The following TDRD9 variants were observed in gnomAD, a reference collection of about 807,000 sequenced individuals.
TDRD9 encodes tudor domain containing 9, also known as ATP-dependent RNA helicase TDRD9.
A neutral mutation model predicts 172.6 loss-of-function variants in TDRD9; 124 were observed. That is an observed-to-expected ratio of 0.72 (90% CI 0.62 to 0.83). The LOEUF is 0.83. Among genes scored for constraint, TDRD9 ranks in the 40% least tolerant of loss-of-function variants. TDRD9 has a pLI of 0.00. For synonymous variants in TDRD9, 619 were observed against 617.1 expected, an observed-to-expected ratio of 1.00 and a Z score of -0.05; for missense variants, 1,479 against 1,714.1, an observed-to-expected ratio of 0.86 and a Z score of 2.42.
chr14:103,948,190 T>A (rs2031672156), intron 1 of TDRD9, among the ~76,000 whole-genome samples: 1 of 151,872 alleles, frequency 6.6e-6, no homozygotes, highest in Non-Finnish European at 1.5e-5. Flanking sequence ...TTTTTTTTTT[T>A]ATTTTTTGTA....
chr14:104,000,877 G>A lies in TDRD9; in HGVS notation c.1483+2149G>A, dbSNP rs1412114314. 4.6e-5 allele frequency among the ~76,000 whole-genome samples: 7 copies of A among 152,232 alleles called. No homozygotes were observed. In the East Asian group the frequency reaches 1.4e-3, roughly 29 times the overall value. ...CTTTGGGTCAGTCTTGGGATTATAG[G>A]AGTTTTGTCTACCTTTTTGTATATT... On this transcript the variant is annotated intron_variant, in intron 13 of 35. Transcript: ENST00000409874.
At chr14:103,957,767 C>G (rs1410730825) in intron 2 of TDRD9, among the ~76,000 whole-genome samples, 1 of 152,100 alleles carries the variant, frequency 6.6e-6, no homozygotes, top group Non-Finnish European at 1.5e-5. Context: ...ACGTACTGGC[C>G]CAGGGGCACA....
chr14:103,956,267 G>A (rs1451457055), intron 2 of TDRD9, among the ~76,000 whole-genome samples: 2 of 149,512 alleles, frequency 1.3e-5, no homozygotes, highest in African/African-American at 2.5e-5. Context: ...GTAAAACCCC[G>A]TCTCTACTAA....
intron 1 of TDRD9, chr14:103,941,141 A>T: frequency 6.9e-7 from 1 of 1,443,184 alleles, no homozygotes; most frequent in Non-Finnish European, 9.3e-7. Flanking sequence ...AGTTTAGAAC[A>T]TTTTTTGTTA....
intron 30 of TDRD9, among the ~76,000 whole-genome samples, chr14:104,032,397 G>A (rs971191452): frequency 2.0e-5 from 3 of 152,032 alleles, no homozygotes; most frequent in Admixed American, 6.6e-5. Flanking sequence ...AGTACAGACG[G>A]GGTTTCACCA....
intron 7 of TDRD9, among the ~76,000 whole-genome samples, chr14:103,982,888 C>T (rs143333150): frequency 4.2e-4 from 64 of 151,904 alleles, no homozygotes; most frequent in East Asian, 2.7e-3. Flanking sequence ...ACAACAAGAG[C>T]GAAACTCCGT....
chr14:104,022,270 C>T lies in TDRD9; in HGVS notation c.2546C>T (p.Ser849Phe). 1 of 1,613,690 alleles carries T rather than the reference C, an allele frequency of 6.2e-7. No homozygotes were observed. Among genetic ancestry groups the T allele is most frequent in the South Asian group, 1.1e-5 (1 of 90,920 alleles). The change falls in exon 24 of 36, where the codon TCT (serine) becomes TTT (phenylalanine). Residue 849 changes from serine (S) to phenylalanine (F), a missense_variant. Ser to Phe is a radical substitution (Grantham distance 155, BLOSUM62 -2). Around this residue, in one of 3 missense-constraint regions of TDRD9, gnomAD observed 1,413 missense variants for 1,649.1 expected, o/e 0.86. Transcript: ENST00000409874. The part of the protein sequence containing the change: ...LKVSLELSVH[S>F]AEEIEGKVQG... The stretch of plus-strand genomic sequence containing the variant: ...GTTTCACTTGAACTCAGCGTTCATT[C>T]TGCAGAGGAAATTGAAGGGAAGGTG...
At chr14:103,971,930 C>A (rs558834035) in intron 6 of TDRD9, among the ~76,000 whole-genome samples, 2 of 152,096 alleles carry the variant, frequency 1.3e-5, no homozygotes, top group Admixed American at 1.3e-4. Flanking sequence ...CAAAGGTGGG[C>A]AGATTGCTTG....
intron 12 of TDRD9, among the ~76,000 whole-genome samples, chr14:103,998,300 T>C (rs545749095): frequency 1.3e-5 from 2 of 152,176 alleles, no homozygotes; most frequent in South Asian, 4.2e-4. Flanking sequence ...CATCAGCTGC[T>C]CTTCTGTACT....
At chr14:104,045,617 T>G (rs1423973378) in intron 34 of TDRD9, among the ~76,000 whole-genome samples, 1 of 152,216 alleles carries the variant, frequency 6.6e-6, no homozygotes, top group Non-Finnish European at 1.5e-5. Flanking sequence ...CTTGCTGTGG[T>G]TTGAATGTGA....
At chr14:104,005,113 C>T in intron 14 of TDRD9, 161 bp from the exon 15 acceptor site, 1 of 558,110 alleles carries the variant, frequency 1.8e-6, no homozygotes, top group Admixed American at 3.3e-5. Context: ...CTTTCTTCTT[C>T]TCTCTCCCTT....
In TDRD9 at chr14:104,024,471, A is replaced by G. The variant is rs2035053958; in HGVS notation, c.2607-98A>G. The G allele has an allele frequency of 6.7e-6, 4 of 598,370 alleles. No individual in the cohort carries two copies. In the East Asian group the frequency reaches 1.2e-4, roughly 18 times the overall value. 37.1% of individuals were successfully genotyped at this position (598,370 alleles called of 1,614,324 possible). On this transcript the variant is annotated intron_variant, in intron 24 of 35. Coordinates refer to ENST00000409874, the MANE Select transcript of TDRD9 (RefSeq NM_153046.3). ...TTTTATTGAAATGTTCTTTTCTTGT[A>G]GAAATATTAGAATAGTTCAAGTGAT...
At chr14:103,956,108 AAAAATATATATATATATATATAT>A (rs1455605536) in intron 2 of TDRD9, among the ~76,000 whole-genome samples, 10 of 36,234 alleles carry the variant, frequency 2.8e-4, no homozygotes, top group African/African-American at 1.1e-3. Flanking sequence ...AAAAAAAAAA[AAAAATATATATATATATATATAT>A]ATATATATAT....
At chr14:103,965,160 C>T (rs145681194) in intron 3 of TDRD9, among the ~76,000 whole-genome samples, 173 bp from the exon 4 acceptor site, 11 of 152,032 alleles carry the variant, frequency 7.2e-5, no homozygotes, top group East Asian at 1.9e-4. Context: ...TGCAGTGAGC[C>T]GAGATTGCGC....
At position 104,031,247 on chromosome 14, in the gene TDRD9, G is replaced by T; in HGVS notation, c.3422G>T (p.Gly1141Val). 1 of 1,551,206 alleles carries T rather than the reference G, an allele frequency of 6.4e-7. No individual in the cohort carries two copies. The highest frequency in any genetic ancestry group is 8.7e-7 in the Non-Finnish European group (1 of 1,146,756). Residue 1141 changes from glycine (G) to valine (V), a missense_variant, in exon 29 of 36, where the codon GGT becomes GTT. By Grantham distance (109) the Gly-to-Val change is moderately radical. This residue lies in a region of TDRD9 where 1,413 missense variants were observed against 1,649.1 expected (regional missense o/e 0.86). Transcript: ENST00000409874. ...LLESFSTNKL[G>V]TPNCKAELHG... ...GAGAGCTTTTCTACCAATAAACTGG[G>T]TACTCCAAACTGTAAGGTGATTGTA... is the stretch of plus-strand genomic sequence containing the variant.
intron 7 of TDRD9, among the ~76,000 whole-genome samples, chr14:103,975,995 T>C (rs557468393): frequency 1.5e-3 from 224 of 152,312 alleles, no homozygotes; most frequent in Non-Finnish European, 2.7e-3. Flanking sequence ...TTATTTCTTA[T>C]CTAGCTATAA....
At chr14:104,016,408 A>G (rs2034793908) in intron 22 of TDRD9, among the ~76,000 whole-genome samples, 1 of 152,200 alleles carries the variant, frequency 6.6e-6, no homozygotes, top group Non-Finnish European at 1.5e-5. Flanking sequence ...CATTTTCTTA[A>G]TTCACAACTT....
chr14:103,974,920 A>C (rs2033174955), intron 6 of TDRD9, among the ~76,000 whole-genome samples: 2 of 151,946 alleles, frequency 1.3e-5, no homozygotes, highest in African/African-American at 2.4e-5. Flanking sequence ...CTTTTTTTAA[A>C]ATTTATTTTT....
chr14:103,968,015 C>T (rs2032828652), intron 5 of TDRD9, among the ~76,000 whole-genome samples: 1 of 152,210 alleles, frequency 6.6e-6, no homozygotes, highest in Non-Finnish European at 1.5e-5. Flanking sequence ...GGGTAGTTTA[C>T]TCTAGAGGCT....
Sources: gnomAD v4.1 joint callset for allele counts (sites outside exome capture counted in the v4.1 genomes callset) on GRCh38, gnomAD v4.1.1 for gene constraint, gnomAD v4.1.1 regional missense constraint, MANE v1.5 for transcripts, NCBI Gene and HGNC (gene_info 2026-07-23, HGNC 2026-07-21) for gene names.